The following CNST variants were observed in gnomAD, a reference collection of about 807,000 sequenced individuals.
The protein encoded by CNST is consortin.
Under a neutral mutation model 72.4 loss-of-function variants are expected in CNST, and 39 were observed. The observed-to-expected ratio is 0.54, with a 90% CI of 0.42 to 0.70. The LOEUF (loss-of-function observed/expected upper bound fraction) is 0.70. CNST is among the 30% of genes least tolerant of loss of function. The pLI, the probability that CNST is intolerant of heterozygous loss-of-function variation, is 0.00. For missense variants in CNST, 871 were observed against 868.5 expected (o/e 1.00, Z -0.04); for synonymous variants, 332 against 320.1 (o/e 1.04, Z -0.40).
chr1:246,608,140 G>C (rs575171819), intron 2 of CNST: 1 of 152,050 alleles, frequency 6.6e-6, no homozygotes, highest in Non-Finnish European at 1.5e-5. Flanking sequence ...GGAAAACATA[G>C]AGAACCTGTC....
intron 9 of CNST, among the ~76,000 whole-genome samples, chr1:246,655,989 G>T (rs964446914): frequency 1.3e-5 from 2 of 152,220 alleles, no homozygotes; most frequent in Non-Finnish European, 2.9e-5. Flanking sequence ...CTGTAGTTAG[G>T]AATAGTAGCA....
At chr1:246,570,679 A>G (rs115380123) in intron 1 of CNST, among the ~76,000 whole-genome samples, 48,667 of 151,962 alleles carry the variant, frequency 0.32, 8,266 homozygotes, top group Admixed American at 0.39. Context: ...TGGATGTTCT[A>G]TAAGAAAATA....
intron 1 of CNST, among the ~76,000 whole-genome samples, chr1:246,583,052 C>T (rs537250483): frequency 5.8e-4 from 89 of 152,276 alleles, no homozygotes; most frequent in African/African-American, 2.1e-3. Flanking sequence ...GCAGGGGGGC[C>T]TGTAGGTATA....
intron 4 of CNST, among the ~76,000 whole-genome samples, chr1:246,633,152 C>T (rs1428441058): frequency 6.6e-6 from 1 of 152,146 alleles, no homozygotes; most frequent in Non-Finnish European, 1.5e-5. Flanking sequence ...TACTTCAAAA[C>T]CAAGAAACAT....
At chr1:246,641,708 TA>T in intron 6 of CNST, 40 bp from the exon 7 acceptor site, 2 of 1,146,122 alleles carry the variant, frequency 1.7e-6, no homozygotes, top group Non-Finnish European at 1.3e-6. Flanking sequence ...ATTGCTGCTG[TA>T]ATTTTTTTAA....
chr1:246,633,059 A>G (rs933226516), intron 4 of CNST, among the ~76,000 whole-genome samples: 1 of 152,224 alleles, frequency 6.6e-6, no homozygotes, highest in Non-Finnish European at 1.5e-5. Flanking sequence ...TTCCTTGAGC[A>G]TTAAAACCTT....
chr1:246,663,734 C>G (rs1667236294), intron 10 of CNST, among the ~76,000 whole-genome samples: 1 of 151,290 alleles, frequency 6.6e-6, no homozygotes, highest in Non-Finnish European at 1.5e-5. Flanking sequence ...GAACAAGACT[C>G]TGTCTCAAAA....
At chr1:246,585,413 G>A (rs192168314) in intron 1 of CNST, among the ~76,000 whole-genome samples, 1 of 152,060 alleles carries the variant, frequency 6.6e-6, no homozygotes, top group East Asian at 1.9e-4. Flanking sequence ...TTGGGAGGCC[G>A]AGGCGGGCAA....
At chr1:246,604,164 G>T (rs1014272401) in intron 2 of CNST, among the ~76,000 whole-genome samples, 3 of 152,010 alleles carry the variant, frequency 2.0e-5, no homozygotes, top group Non-Finnish European at 4.4e-5. Flanking sequence ...TGAGGCAGGA[G>T]AATTGCTTGA....
intron 9 of CNST, among the ~76,000 whole-genome samples, chr1:246,651,644 A>G (rs544381201): frequency 6.6e-6 from 1 of 152,370 alleles, no homozygotes; most frequent in Admixed American, 6.5e-5. Context: ...ACATGTATAA[A>G]GGGAACTTGT....
chr1:246,581,746 T>G (rs1660801376), intron 1 of CNST, among the ~76,000 whole-genome samples: 3 of 152,246 alleles, frequency 2.0e-5, no homozygotes, highest in Admixed American at 1.3e-4. Flanking sequence ...CTTTGTGGCT[T>G]TGAAGAAACG....
At chr1:246,612,606 G>A (rs569120739) in intron 2 of CNST, among the ~76,000 whole-genome samples, 3 of 152,104 alleles carry the variant, frequency 2.0e-5, no homozygotes, top group African/African-American at 4.8e-5. Context: ...ATCATAACAG[G>A]TCAGGCGCAG....
chr1:246,619,918 C>T (rs977295191), intron 2 of CNST, among the ~76,000 whole-genome samples: 2 of 134,754 alleles, frequency 1.5e-5, no homozygotes, highest in South Asian at 2.6e-4. Context: ...TGCATACACA[C>T]GATGGGCTCT....
chr1:246,601,782 G>A (rs1470132415), intron 2 of CNST, among the ~76,000 whole-genome samples: 2 of 152,064 alleles, frequency 1.3e-5, no homozygotes, highest in African/African-American at 4.8e-5. Context: ...CAACAAGAGC[G>A]AAACTCAGTC....
At chr1:246,602,289 T>G (rs1366172963) in intron 2 of CNST, among the ~76,000 whole-genome samples, 1 of 152,236 alleles carries the variant, frequency 6.6e-6, no homozygotes, top group Non-Finnish European at 1.5e-5. Context: ...AGCAAACATG[T>G]ATCATCTCGT....
chr1:246,659,404 C>A (rs542319393), intron 9 of CNST, among the ~76,000 whole-genome samples: 31 of 152,270 alleles, frequency 2.0e-4, no homozygotes, highest in East Asian at 5.8e-4. Flanking sequence ...ACCATCCTGG[C>A]TAACTCGGTG....
chr1:246,664,369 G>A (rs1667273708), intron 10 of CNST, among the ~76,000 whole-genome samples: 1 of 152,152 alleles, frequency 6.6e-6, no homozygotes. Context: ...CAGGTGGCCT[G>A]AGGCCGTCCT....
chr1:246,602,481 A>G (rs1328733002), intron 2 of CNST, among the ~76,000 whole-genome samples: 1 of 152,116 alleles, frequency 6.6e-6, no homozygotes, highest in African/African-American at 2.4e-5. Flanking sequence ...CACATGGCCC[A>G]CTCCACAGGG....
chr1:246,652,727 G>A (rs533744975), intron 9 of CNST, among the ~76,000 whole-genome samples: 13 of 152,066 alleles, frequency 8.5e-5, no homozygotes, highest in South Asian at 6.2e-4. Flanking sequence ...TAATCTGGCC[G>A]GGCACAGTGG....
Sources: allele counts gnomAD v4.1 joint callset (sites outside exome capture counted in the v4.1 genomes callset), GRCh38; gene constraint gnomAD v4.1.1; transcripts MANE v1.5; gene names NCBI Gene and HGNC (gene_info 2026-07-23, HGNC 2026-07-21).